The following ZNG1C variants were observed in gnomAD, a reference collection of about 807,000 sequenced individuals.
The protein encoded by ZNG1C is Zn regulated GTPase metalloprotein activator 1C, also known as zinc-regulated GTPase metalloprotein activator 1C.
At chr9:68,274,321 A>AG in the ZNG1C span, 1 of 151,672 alleles carries the variant, frequency 6.6e-6, no homozygotes, top group Non-Finnish European at 1.5e-5. Flanking sequence ...TAATTCTAAG[A>AG]GAAATAATGT....
the ZNG1C span, among the ~76,000 whole-genome samples, chr9:68,250,065 TC>T: frequency 7.9e-6 from 1 of 126,988 alleles, no homozygotes; most frequent in East Asian, 2.0e-4. Context: ...TAAACACTAT[TC>T]AGCTTTTCAG....
the ZNG1C span, chr9:68,254,604 G>T: frequency 6.6e-6 from 1 of 151,878 alleles, no homozygotes; most frequent in East Asian, 1.9e-4. Context: ...ACCCAAGTTT[G>T]TTTTTCTCCT....
At chr9:68,281,360 TCTC>T in the ZNG1C span, among the ~76,000 whole-genome samples, 1 of 150,396 alleles carries the variant, frequency 6.6e-6, no homozygotes, top group African/African-American at 2.4e-5. Flanking sequence ...TTGGCTCCTC[TCTC>T]CTCTCTTCAC....
chr9:68,290,923 A>G, the ZNG1C span, among the ~76,000 whole-genome samples: 2 of 151,672 alleles, frequency 1.3e-5, no homozygotes, highest in South Asian at 2.1e-4. Flanking sequence ...CGTTTTAGTC[A>G]GACTGCATAA....
chr9:68,261,282 G>GT, the ZNG1C span, among the ~76,000 whole-genome samples: 2 of 88,100 alleles, frequency 2.3e-5, no homozygotes. Flanking sequence ...TTTTAAGATA[G>GT]TTTTTTCTTT....
the ZNG1C span, among the ~76,000 whole-genome samples, chr9:68,290,857 AAT>A: frequency 6.8e-6 from 1 of 146,596 alleles, no homozygotes; most frequent in African/African-American, 2.6e-5. Flanking sequence ...ATAGTTTTAA[AAT>A]AGAGTATGTT....
At chr9:68,299,326 A>G in the ZNG1C span, 2 of 610,186 alleles carry the variant, frequency 3.3e-6, no homozygotes, top group East Asian at 5.5e-5. Context: ...ACTTTGATGT[A>G]CTGACCTGGA....
the ZNG1C span, among the ~76,000 whole-genome samples, chr9:68,287,390 TA>T: frequency 3.9e-5 from 6 of 152,130 alleles, no homozygotes; most frequent in African/African-American, 1.5e-4. Flanking sequence ...TATTAATGTA[TA>T]TTTTTAACAT....
chr9:68,244,623 A>G, the ZNG1C span, among the ~76,000 whole-genome samples: 5 of 139,794 alleles, frequency 3.6e-5, no homozygotes, highest in African/African-American at 8.5e-5. Context: ...TAGTCATACA[A>G]TTGAACTACA....
chr9:68,275,787 C>T, the ZNG1C span, among the ~76,000 whole-genome samples: 2 of 136,028 alleles, frequency 1.5e-5, no homozygotes, highest in African/African-American at 2.8e-5. Flanking sequence ...AATAAACATA[C>T]GTGTGCATAT....
chr9:68,280,517 G>GT, the ZNG1C span, among the ~76,000 whole-genome samples: 145 of 66,666 alleles, frequency 2.2e-3, no homozygotes, highest in Admixed American at 4.3e-3. Flanking sequence ...GGTTTTTGGT[G>GT]TGGATGTCCT....
the ZNG1C span, chr9:68,299,121 A>T: frequency 6.2e-7 from 1 of 1,608,042 alleles, no homozygotes; most frequent in South Asian, 1.1e-5. Flanking sequence ...CACAGTTTTG[A>T]AACAAAGTGA....
the ZNG1C span, among the ~76,000 whole-genome samples, chr9:68,288,319 G>T: frequency 6.7e-6 from 1 of 150,362 alleles, no homozygotes; most frequent in Non-Finnish European, 1.5e-5. Flanking sequence ...CATATTTTGG[G>T]ATAGCATGTC....
At chr9:68,291,336 A>C in the ZNG1C span, among the ~76,000 whole-genome samples, 1 of 56,002 alleles carries the variant, frequency 1.8e-5, no homozygotes, top group East Asian at 2.4e-4. Context: ...CCCATTGAAC[A>C]GCACCTCCCA....
the ZNG1C span, among the ~76,000 whole-genome samples, chr9:68,260,106 C>A: frequency 3.3e-5 from 5 of 150,898 alleles, no homozygotes; most frequent in Admixed American, 1.3e-4. Flanking sequence ...ATATTTCTTG[C>A]AAAATGCTTA....
chr9:68,284,083 TG>T, the ZNG1C span, among the ~76,000 whole-genome samples: 2 of 123,764 alleles, frequency 1.6e-5, no homozygotes, highest in Non-Finnish European at 1.7e-5. Context: ...CCTGAGTAGC[TG>T]GGACTACAGG....
chr9:68,259,729 A>G, the ZNG1C span, among the ~76,000 whole-genome samples: 2 of 152,170 alleles, frequency 1.3e-5, no homozygotes, highest in African/African-American at 2.4e-5. Flanking sequence ...CAGCCTGGTC[A>G]TGAACTCCTG....
chr9:68,267,140 G>A, the ZNG1C span, among the ~76,000 whole-genome samples: 1 of 152,242 alleles, frequency 6.6e-6, no homozygotes, highest in African/African-American at 2.4e-5. Flanking sequence ...AATGCTTTGA[G>A]CGTGATGGCT....
chr9:68,244,473 G>T, the ZNG1C span, among the ~76,000 whole-genome samples: 1 of 82,152 alleles, frequency 1.2e-5, no homozygotes, highest in Non-Finnish European at 2.4e-5. Flanking sequence ...CCTAGTTGTA[G>T]GAAGATCTAG....
Sources: gnomAD v4.1 joint callset for allele counts (sites outside exome capture counted in the v4.1 genomes callset) on GRCh38, gnomAD v4.1.1 for gene constraint, MANE v1.5 for transcripts, NCBI Gene and HGNC (gene_info 2026-07-23, HGNC 2026-07-21) for gene names.